Variants in TAX1BP1 observed in about 807,000 individuals in gnomAD.
TAX1BP1 encodes tax1-binding protein 1.
TAX1BP1 carries 62 observed loss-of-function variants against 97.7 expected under a neutral mutation model. The observed-to-expected ratio is 0.63, with a 90% CI of 0.52 to 0.78. The LOEUF is 0.78. Ranked by LOEUF, TAX1BP1 falls within the 30% of genes least tolerant of loss-of-function variation. The probability of loss-of-function intolerance (pLI) is 0.00; values close to 1 mark genes in which losing one functional copy is unlikely to be tolerated. For missense variants in TAX1BP1, 867 were observed against 916.1 expected, an observed-to-expected ratio of 0.95 and a Z score of 0.69; for synonymous variants, 340 against 304.2, an observed-to-expected ratio of 1.12 and a Z score of -1.23.
At chr7:27,788,975 C>T (rs1343303501) in intron 8 of TAX1BP1, among the ~76,000 whole-genome samples, 3 of 151,910 alleles carry the variant, frequency 2.0e-5, no homozygotes, top group African/African-American at 7.2e-5. Flanking sequence ...TTCTTCCTTC[C>T]TTTGCTCCAT....
chr7:27,795,903 C>T (rs1046879013), intron 11 of TAX1BP1, among the ~76,000 whole-genome samples: 8 of 152,102 alleles, frequency 5.3e-5, no homozygotes, highest in African/African-American at 1.4e-4. Flanking sequence ...TTATTGAATG[C>T]GAACTTGGTT....
At chr7:27,796,032 A>G (rs1314055623) in intron 11 of TAX1BP1, 84 bp from the exon 12 acceptor site, 2 of 964,124 alleles carry the variant, frequency 2.1e-6, no homozygotes, top group African/African-American at 3.3e-5. Context: ...TTTACAGTAT[A>G]CTGACCTTTA....
intron 13 of TAX1BP1, among the ~76,000 whole-genome samples, chr7:27,813,313 G>T (rs1277799050): frequency 6.6e-6 from 1 of 150,812 alleles, no homozygotes; most frequent in African/African-American, 2.4e-5. Flanking sequence ...ATGTGCCACT[G>T]TACCTGGCTA....
chr7:27,786,914 A>G (rs534781441), intron 7 of TAX1BP1, among the ~76,000 whole-genome samples: 7 of 152,314 alleles, frequency 4.6e-5, no homozygotes, highest in African/African-American at 1.4e-4. Flanking sequence ...GAGTCATGGG[A>G]AAATCAATAT....
intron 5 of TAX1BP1, among the ~76,000 whole-genome samples, chr7:27,778,163 C>G (rs1789109025): frequency 6.6e-6 from 1 of 152,116 alleles, no homozygotes; most frequent in Non-Finnish European, 1.5e-5. Flanking sequence ...GGTTCAGAAA[C>G]TTTGTTACTG....
chr7:27,766,252 C>T (rs1788628809), intron 4 of TAX1BP1, among the ~76,000 whole-genome samples: 1 of 151,746 alleles, frequency 6.6e-6, no homozygotes, highest in African/African-American at 2.4e-5. Flanking sequence ...AACTCTGTCT[C>T]TACTAAGAAT....
rs768038727 is a variant in TAX1BP1, at chr7:27,827,731, C to T, written c.2086-7C>T. ...TCTTAAAAGTTCCAAAATTATTTTT[C>T]CCCTAGGAAGATGAGAATGTGCCTA... On this transcript the variant is annotated splice_polypyrimidine_tract_variant and splice_region_variant and intron_variant, in intron 15 of 16. Coordinates refer to ENST00000396319, the MANE Select transcript of TAX1BP1 (RefSeq NM_006024.7). 16 of 1,609,946 alleles carry T rather than the reference C, an allele frequency of 9.9e-6. No homozygotes were observed. The highest frequency in any genetic ancestry group is 1.7e-5 in the Admixed American group (1 of 59,444).
rs1406330318 is a variant in TAX1BP1, at chr7:27,793,203, A to C, written c.1401A>C (p.Ser467=). The C allele has an allele frequency of 6.3e-7, 1 of 1,582,300 alleles. No individual in the cohort carries two copies. The highest frequency in any genetic ancestry group is 2.1e-5 in the Admixed American group (1 of 48,052). The change falls in exon 10 of 17, where the codon TCA becomes TCC. Residue 467 remains serine, a synonymous_variant. Coordinates refer to ENST00000396319, the MANE Select transcript of TAX1BP1 (RefSeq NM_006024.7). The part of the protein sequence containing the change: ...QRLQKQINKL[S]DQSANNNNVF... Reference sequence around the variant, plus strand: ...TCCAAAAACAAATAAACAAACTTTCAGATCAATCAGTAAGTATCATTAAAT... The same window carrying C: ...TCCAAAAACAAATAAACAAACTTTCCGATCAATCAGTAAGTATCATTAAAT...
chr7:27,755,529 A>G (rs1259301303), intron 2 of TAX1BP1, among the ~76,000 whole-genome samples: 1 of 152,096 alleles, frequency 6.6e-6, no homozygotes, highest in East Asian at 1.9e-4. Flanking sequence ...GGTCTTCTGT[A>G]TGTTCTTTCT....
intron 3 of TAX1BP1, among the ~76,000 whole-genome samples, chr7:27,758,730 C>T (rs886926630): frequency 5.9e-5 from 9 of 151,838 alleles, no homozygotes; most frequent in Non-Finnish European, 8.8e-5. Context: ...TGCATAATTC[C>T]GCTATATGAG....
chr7:27,774,638 A>C (rs1382236771), intron 5 of TAX1BP1, among the ~76,000 whole-genome samples: 1 of 152,120 alleles, frequency 6.6e-6, no homozygotes, highest in Non-Finnish European at 1.5e-5. Flanking sequence ...ATTTAAAAAA[A>C]CATATATTTA....
At chr7:27,769,962 T>C in intron 5 of TAX1BP1, 128 bp downstream of exon 5, 1 of 812,248 alleles carries the variant, frequency 1.2e-6, no homozygotes, top group Non-Finnish European at 2.0e-6. Flanking sequence ...TAGATAGACG[T>C]TTATACAAGA....
intron 4 of TAX1BP1, among the ~76,000 whole-genome samples, chr7:27,767,418 C>G (rs1197055016): frequency 6.6e-6 from 1 of 152,086 alleles, no homozygotes; most frequent in Non-Finnish European, 1.5e-5. Flanking sequence ...TTTTATTAGA[C>G]AGTCAAACTA....
intron 5 of TAX1BP1, among the ~76,000 whole-genome samples, chr7:27,775,010 T>G (rs1788976450): frequency 6.6e-6 from 1 of 152,148 alleles, no homozygotes; most frequent in Non-Finnish European, 1.5e-5. Context: ...GTTGCACATT[T>G]TATGGAATTT....
At chr7:27,784,956 C>CA (rs1307523675) in intron 5 of TAX1BP1, among the ~76,000 whole-genome samples, 1 of 151,912 alleles carries the variant, frequency 6.6e-6, no homozygotes, top group Non-Finnish European at 1.5e-5. Context: ...AGACCCCAAA[C>CA]AAAAAACAAA....
rs372499342 is a variant in TAX1BP1 at position 27,769,807 on chromosome 7, A to G, written c.585A>G (p.Arg195=). The part of the protein sequence containing the change: ...MERELNHEKE[R]CDQLQAEQKG... Reference sequence around the variant, plus strand: ...GAGAACTTAACCATGAGAAAGAAAGATGTGACCAACTGCAAGCAGAACAAA... The same window carrying G: ...GAGAACTTAACCATGAGAAAGAAAGGTGTGACCAACTGCAAGCAGAACAAA... The change falls in exon 5 of 17, where the codon AGA becomes AGG. Residue 195 remains arginine (R), a synonymous_variant. Transcript: ENST00000396319. 3.1e-6 allele frequency: 5 copies of G among 1,612,254 alleles called. No individual in the cohort carries two copies. Among genetic ancestry groups the G allele is most frequent in the Non-Finnish European group, 4.2e-6 (5 of 1,178,866 alleles).
intron 15 of TAX1BP1, among the ~76,000 whole-genome samples, chr7:27,818,105 C>T (rs1364694306): frequency 1.3e-5 from 2 of 152,156 alleles, no homozygotes; most frequent in Non-Finnish European, 2.9e-5. Context: ...CGTATTTAAT[C>T]TGATCATTCT....
intron 11 of TAX1BP1, 59 bp downstream of exon 11, chr7:27,794,505 C>T: frequency 6.9e-7 from 1 of 1,440,114 alleles, no homozygotes; most frequent in South Asian, 1.7e-5. Context: ...ACTTATACTG[C>T]CTTCTTCCAT....
rs184836288 is a variant in TAX1BP1, at chr7:27,747,223, C to T, written c.-7-1295C>T. 3.0e-3 allele frequency among the ~76,000 whole-genome samples: 452 copies of T among 152,260 alleles called. 1 individual carries two copies. The highest frequency in any genetic ancestry group is 0.011 in the African/African-American group (438 of 41,550). On this transcript the variant is annotated intron_variant, in intron 1 of 16. Transcript: ENST00000396319. ...GTGTATTGTAGAATTAGTGATTGTACGGAGCCTGTGACAAACTCTACAGAT... is the reference window on the plus strand; with the variant it reads ...GTGTATTGTAGAATTAGTGATTGTATGGAGCCTGTGACAAACTCTACAGAT...
Sources: allele counts gnomAD v4.1 joint callset (sites outside exome capture counted in the v4.1 genomes callset), GRCh38; gene constraint gnomAD v4.1.1; transcripts MANE v1.5; gene names NCBI Gene and HGNC (gene_info 2026-07-23, HGNC 2026-07-21).